PLXNA4: variants seen among roughly 807,000 people sequenced by gnomAD.
PLXNA4 encodes plexin A4.
Under a neutral mutation model 191.8 loss-of-function variants are expected in PLXNA4, and 44 were observed. That is an observed-to-expected ratio of 0.23 (90% CI 0.18 to 0.29). The LOEUF (loss-of-function observed/expected upper bound fraction) is 0.29, where lower values mean the gene tolerates loss of function less well. Ranked by LOEUF, PLXNA4 falls within the 10% of genes least tolerant of loss-of-function variation. PLXNA4 has a pLI of 1.00. For synonymous variants in PLXNA4, 1,082 were observed against 1,009.5 expected, an observed-to-expected ratio of 1.07 and a Z score of -1.36; for missense variants, 1,800 against 2,488.8, an observed-to-expected ratio of 0.72 and a Z score of 5.89.
At chr7:132,421,492 A>G (rs543095241) in intron 3 of PLXNA4, among the ~76,000 whole-genome samples, 1 of 151,872 alleles carries the variant, frequency 6.6e-6, no homozygotes, top group Non-Finnish European at 1.5e-5. Context: ...CTTCTCTACT[A>G]TGGTGTCAGG....
intron 3 of PLXNA4, among the ~76,000 whole-genome samples, chr7:132,374,618 T>C (rs1300142419): frequency 6.6e-6 from 1 of 152,106 alleles, no homozygotes; most frequent in Non-Finnish European, 1.5e-5. Context: ...TGGGCTATTC[T>C]TTCACGATTG....
chr7:132,439,198 C>T (rs996934315), intron 3 of PLXNA4, among the ~76,000 whole-genome samples: 13 of 152,214 alleles, frequency 8.5e-5, no homozygotes, highest in South Asian at 2.1e-4. Context: ...TGGCAGGTGC[C>T]GGAGCTTCAG....
At chr7:132,490,698 T>G (rs974441877) in intron 2 of PLXNA4, among the ~76,000 whole-genome samples, 2 of 152,126 alleles carry the variant, frequency 1.3e-5, no homozygotes, top group African/African-American at 4.8e-5. Context: ...AGTGCTAGCA[T>G]TACGGGTGTG....
intron 2 of PLXNA4, among the ~76,000 whole-genome samples, chr7:132,622,724 A>G (rs889980327): frequency 2.6e-5 from 4 of 152,170 alleles, no homozygotes; most frequent in Non-Finnish European, 5.9e-5. Context: ...ATCAGAGTCA[A>G]TTACTGCAGA....
intron 3 of PLXNA4, among the ~76,000 whole-genome samples, chr7:132,450,230 G>T (rs879486783): frequency 6.6e-6 from 1 of 152,156 alleles, no homozygotes; most frequent in African/African-American, 2.4e-5. Context: ...ATTTAATGCA[G>T]CCACACAGTG....
At chr7:132,636,000 G>A (rs1166998561) in intron 2 of PLXNA4, among the ~76,000 whole-genome samples, 1 of 152,204 alleles carries the variant, frequency 6.6e-6, no homozygotes, top group East Asian at 1.9e-4. Context: ...GTTAGGAGAA[G>A]CCCTCTCAAC....
At chr7:132,361,993 G>A (rs1342111388) in intron 3 of PLXNA4, among the ~76,000 whole-genome samples, 1 of 152,174 alleles carries the variant, frequency 6.6e-6, no homozygotes, top group Non-Finnish European at 1.5e-5. Flanking sequence ...TCTAAAGTGA[G>A]GTATGAATAC....
At chr7:132,368,528 C>A (rs150226295) in intron 3 of PLXNA4, among the ~76,000 whole-genome samples, 1 of 152,180 alleles carries the variant, frequency 6.6e-6, no homozygotes, top group African/African-American at 2.4e-5. Context: ...GGGCTGTGGT[C>A]TCTCCTGTCA....
intron 1 of PLXNA4, among the ~76,000 whole-genome samples, chr7:132,555,635 C>T (rs1214196559): frequency 6.6e-6 from 1 of 152,180 alleles, no homozygotes; most frequent in African/African-American, 2.4e-5. Context: ...ATGATAAGGA[C>T]ACTGAACCTC....
intron 3 of PLXNA4, among the ~76,000 whole-genome samples, chr7:132,339,883 T>C (rs533521468): frequency 6.6e-6 from 1 of 152,182 alleles, no homozygotes; most frequent in Non-Finnish European, 1.5e-5. Flanking sequence ...AGGGTTCTTA[T>C]GTAAAAGGAC....
chr7:132,377,468 G>A (rs1804706868), intron 3 of PLXNA4, among the ~76,000 whole-genome samples: 1 of 151,696 alleles, frequency 6.6e-6, no homozygotes, highest in Non-Finnish European at 1.5e-5. Context: ...AGGGAGAGCT[G>A]GAAGGATCAA....
At chr7:132,308,718 T>C (rs1801617611) in intron 3 of PLXNA4, among the ~76,000 whole-genome samples, 1 of 152,210 alleles carries the variant, frequency 6.6e-6, no homozygotes, top group Non-Finnish European at 1.5e-5. Flanking sequence ...TACCTCATTG[T>C]TATCATTATT....
intron 1 of PLXNA4, among the ~76,000 whole-genome samples, chr7:132,575,473 TC>T (rs913538356): frequency 1.3e-5 from 2 of 151,782 alleles, no homozygotes; most frequent in African/African-American, 4.8e-5. Context: ...CCCTCGTGCT[TC>T]CCCCTTCTAG....
intron 20 of PLXNA4, among the ~76,000 whole-genome samples, chr7:132,177,638 G>A (rs930724023): frequency 1.3e-5 from 2 of 152,178 alleles, no homozygotes; most frequent in Non-Finnish European, 2.9e-5. Context: ...AGCAGAAGGA[G>A]GGTGTTGGCT....
intron 31 of PLXNA4, among the ~76,000 whole-genome samples, chr7:132,132,684 C>T (rs1584746711): frequency 6.6e-6 from 1 of 152,068 alleles, no homozygotes; most frequent in South Asian, 2.1e-4. Flanking sequence ...CATACAATGC[C>T]ATACCACATA....
rs780483750 is a variant in PLXNA4 at position 132,298,079 on chromosome 7, G to A, written c.1503+12C>T. On this transcript the variant is annotated intron_variant, in intron 4 of 31. Coordinates refer to ENST00000321063, the MANE Select transcript of PLXNA4 (RefSeq NM_020911.2). ...GCAAGACAAATGTCTAGCGGAGCCC[G>A]AAGAGCCTTACCTGCCTCTCTGACA... 655 of 1,614,004 alleles carry A rather than the reference G, an allele frequency of 4.1e-4. 1 individual carries two copies. The highest frequency in any genetic ancestry group is 5.3e-4 in the Non-Finnish European group (625 of 1,180,024).
chr7:132,413,666 G>A (rs1048928938), intron 3 of PLXNA4, among the ~76,000 whole-genome samples: 1 of 152,182 alleles, frequency 6.6e-6, no homozygotes. Flanking sequence ...TATGTGTGTG[G>A]CCCAGGCAAA....
At chr7:132,253,103 G>A (rs1051739835) in intron 4 of PLXNA4, among the ~76,000 whole-genome samples, 7 of 152,070 alleles carry the variant, frequency 4.6e-5, no homozygotes, top group Non-Finnish European at 8.8e-5. Flanking sequence ...ATTTTTCACA[G>A]ACAGGGTATT....
At chr7:132,265,121 A>G (rs1241005853) in intron 4 of PLXNA4, among the ~76,000 whole-genome samples, 2 of 152,206 alleles carry the variant, frequency 1.3e-5, no homozygotes, top group African/African-American at 4.8e-5. Flanking sequence ...GTGAGCGGGA[A>G]GAGCCCTGAA....
Sources: allele counts gnomAD v4.1 joint callset (sites outside exome capture counted in the v4.1 genomes callset), GRCh38; gene constraint gnomAD v4.1.1; transcripts MANE v1.5; gene names NCBI Gene and HGNC (gene_info 2026-07-23, HGNC 2026-07-21).